The following NIN variants were observed in gnomAD, a reference collection of about 807,000 sequenced individuals.
NIN encodes glycogen synthase kinase 3 beta-interacting protein.
Under a neutral mutation model 257.6 loss-of-function variants are expected in NIN, and 137 were observed. The ratio of observed to expected loss-of-function variants is 0.53; its 90% CI spans 0.46 to 0.61. The LOEUF is 0.61. NIN is among the 20% of genes least tolerant of loss of function. The probability of loss-of-function intolerance (pLI) is 0.00; values close to 1 mark genes in which losing one functional copy is unlikely to be tolerated. For synonymous variants in NIN, 918 were observed against 919.8 expected (o/e 1.00, Z 0.04); for missense variants, 2,439 against 2,501.2 (o/e 0.98, Z 0.53).
chr14:50,775,807 C>A (rs113531154), intron 7 of NIN, among the ~76,000 whole-genome samples: 10 of 152,030 alleles, frequency 6.6e-5, no homozygotes, highest in African/African-American at 2.4e-4. Context: ...ACATATTGCA[C>A]TGATTTACAA....
At chr14:50,787,126 C>A (rs2043379946) in intron 5 of NIN, among the ~76,000 whole-genome samples, 1 of 152,196 alleles carries the variant, frequency 6.6e-6, no homozygotes. Context: ...TTGGCTTACA[C>A]TACTATTGTC....
chr14:50,744,611 T>A (rs892953019), intron 22 of NIN, among the ~76,000 whole-genome samples: 1 of 152,200 alleles, frequency 6.6e-6, no homozygotes, highest in Non-Finnish European at 1.5e-5. Flanking sequence ...TGTTAAATAA[T>A]GATCCTAGCT....
chr14:50,723,036 T>C lies in NIN; in HGVS notation c.*427A>G, dbSNP rs1360601508. 1 of 213,066 alleles carries C rather than the reference T, an allele frequency of 4.7e-6. No homozygotes were observed. The highest frequency in any genetic ancestry group is 7.3e-5 in the East Asian group (1 of 13,626). 13.2% of individuals were successfully genotyped at this position (213,066 alleles called of 1,614,324 possible). A position where few individuals can be genotyped will look rare whatever the true frequency, so the allele number is the denominator to read the frequency against. The stretch of plus-strand genomic sequence containing the variant: ...TTATAATGACTTTCCAGTATTTAAA[T>C]ATGTAAGAACACCTAAATTTGGTTT... On this transcript the variant is annotated 3_prime_UTR_variant, in exon 31 of 31. Coordinates refer to ENST00000530997, the MANE Select transcript of NIN (RefSeq NM_020921.4).
intron 3 of NIN, among the ~76,000 whole-genome samples, chr14:50,816,515 T>C (rs528683932): frequency 6.6e-6 from 1 of 152,248 alleles, no homozygotes; most frequent in East Asian, 1.9e-4. Flanking sequence ...TTTTGCATAT[T>C]TGGAGTTTGA....
In NIN at chr14:50,781,275, C is replaced by T. The variant is rs529358073; in HGVS notation, c.436-2471G>A. On this transcript the variant is annotated intron_variant, in intron 5 of 30. Coordinates refer to ENST00000530997, the MANE Select transcript of NIN (RefSeq NM_020921.4). Reference sequence around the variant, plus strand: ...ATCTCAAGCAGGGGATGATTTCTAACAGCAGAAATGAATGGGAGAAATGGC... The same window carrying T: ...ATCTCAAGCAGGGGATGATTTCTAATAGCAGAAATGAATGGGAGAAATGGC... Among the ~76,000 whole-genome samples the T allele has an allele frequency of 5.3e-4, 80 of 152,156 alleles. No homozygotes were observed. The South Asian group carries it at 0.017, about 32-fold the overall frequency.
rs1257255249 is a variant in NIN, at chr14:50,760,078, C to T, written c.2178G>A (p.Glu726=). Residue 726 remains glutamate, a synonymous_variant, in exon 17 of 31, where the codon GAG becomes GAA. Coordinates refer to ENST00000530997, the MANE Select transcript of NIN (RefSeq NM_020921.4). The part of the protein sequence containing the change: ...QEKLRLQHEM[E]LKARLTQAQA... Reference sequence around the variant, plus strand: ...GAGCCTGTGTCAGTCTAGCCTTGAGCTCCATCTCATGTTGCAGCCTCAGCT... The same window carrying T: ...GAGCCTGTGTCAGTCTAGCCTTGAGTTCCATCTCATGTTGCAGCCTCAGCT... 2.5e-6 allele frequency: 4 copies of T among 1,614,176 alleles called. No individual in the cohort carries two copies. The highest frequency in any genetic ancestry group is 3.3e-5 in the Admixed American group (2 of 60,026).
Position 50,723,550 on chromosome 14 carries a change from G to A in NIN, c.6315C>T (p.Leu2105=), listed in dbSNP as rs1315946449. The change falls in exon 31 of 31, where the codon CTC becomes CTT. Residue 2105 remains leucine, a synonymous_variant. Coordinates refer to ENST00000530997, the MANE Select transcript of NIN (RefSeq NM_020921.4). ...RQKTAEKKNY[L]LEEKIASLSN... ...TGAGGCTGGCAATCTTCTCCTCCAG[G>A]AGGTAATTTTTCTTCTCTGCTGTTT... is the stretch of plus-strand genomic sequence containing the variant. 6.2e-7 allele frequency: 1 copy of A among 1,613,872 alleles called. No individual in the cohort carries two copies. The highest frequency in any genetic ancestry group is 8.5e-7 in the Non-Finnish European group (1 of 1,179,840).
chr14:50,800,740 A>G (rs1038746881), intron 4 of NIN, among the ~76,000 whole-genome samples: 5 of 151,464 alleles, frequency 3.3e-5, no homozygotes, highest in African/African-American at 1.2e-4. Context: ...TTGTTGTTGT[A>G]GTTGGCACTG....
At position 50,760,254 on chromosome 14, in the gene NIN, G is replaced by C. The variant is rs779085036; in HGVS notation, c.2002C>G (p.Gln668Glu). The C allele has an allele frequency of 6.2e-7, 1 of 1,612,048 alleles. No homozygotes were observed. Among genetic ancestry groups the C allele is most frequent in the Non-Finnish European group, 8.5e-7 (1 of 1,179,932 alleles). Residue 668 changes from glutamine (Q) to glutamate (E), a missense_variant, in exon 17 of 31, where the codon CAA becomes GAA. Around this residue, in one of 3 missense-constraint regions of NIN, gnomAD observed 2,043 missense variants for 2,050.2 expected, o/e 1.00. Coordinates refer to ENST00000530997, the MANE Select transcript of NIN (RefSeq NM_020921.4). The part of the protein sequence containing the change: ...HENETHTLEK[Q>E]ISDLKNEIAE... ...ATTTCATTTTTAAGGTCACTTATTT[G>C]TTTTTCTAAGGTGTGCGTTTCGTTC...
At chr14:50,759,434 G>C (rs748569330) in intron 17 of NIN, among the ~76,000 whole-genome samples, 2 of 151,548 alleles carry the variant, frequency 1.3e-5, no homozygotes, top group Non-Finnish European at 2.9e-5. Flanking sequence ...ATTTAAAAGA[G>C]TCTACTCAAT....
In NIN at chr14:50,740,209, CAG is replaced by C. The variant is rs529179950; in HGVS notation, c.5449-724_5449-723del. 3.4e-3 allele frequency among the ~76,000 whole-genome samples: 510 copies of C among 148,598 alleles called. 2 individuals carry two copies. Among genetic ancestry groups the C allele is most frequent in the African/African-American group, 0.011 (460 of 40,656 alleles). On this transcript the variant is annotated intron_variant, in intron 25 of 30. Transcript: ENST00000530997. ...AATGGAAACTTTTTTTTTTTTGAGACAGACTCTCACTCTGTCACCCAGGCTGA... is the reference window on the plus strand; with the variant it reads ...AATGGAAACTTTTTTTTTTTTGAGACACTCTCACTCTGTCACCCAGGCTGA...
chr14:50,796,752 G>C (rs984421254), intron 4 of NIN, among the ~76,000 whole-genome samples: 3 of 152,176 alleles, frequency 2.0e-5, no homozygotes, highest in Non-Finnish European at 2.9e-5. Flanking sequence ...TCCTCTCCCA[G>C]TTCCTTTCCC....
chr14:50,749,469 T>C (rs2041694551), intron 21 of NIN, among the ~76,000 whole-genome samples: 1 of 152,230 alleles, frequency 6.6e-6, no homozygotes, highest in African/African-American at 2.4e-5. Context: ...GTCTTTTTCT[T>C]GGAGGAGATA....
Position 50,729,707 on chromosome 14 carries a change from G to C in NIN, c.5894C>G (p.Ser1965Cys), listed in dbSNP as rs147863467. The stretch of plus-strand genomic sequence containing the variant: ...AGGGGACGGGCTAGGCGTCGCAGTG[G>C]ACCTCAGGTGCTGCATCTGAAGGAC... ...EQLMEMQHLR[S>C]TATPSPSPHA... Residue 1965 changes from serine to cysteine, a missense_variant, in exon 29 of 31, where the codon TCC becomes TGC. This residue lies in a region of NIN where 2,043 missense variants were observed against 2,050.2 expected (regional missense o/e 1.00). Coordinates refer to ENST00000530997, the MANE Select transcript of NIN (RefSeq NM_020921.4). The C allele has an allele frequency of 7.2e-5, 115 of 1,605,436 alleles. 1 individual carries two copies. In the East Asian group the frequency reaches 2.5e-3, roughly 36 times the overall value.
intron 18 of NIN, among the ~76,000 whole-genome samples, chr14:50,755,238 A>G (rs571800253): frequency 3.3e-4 from 51 of 152,350 alleles, no homozygotes; most frequent in Non-Finnish European, 5.4e-4. Context: ...AAGCCATGTT[A>G]CAAAGCTATA....
rs2042020230 is a variant in NIN at position 50,756,221 on chromosome 14, A to T, written c.4538+271T>A. ...TGCTAGAAAAAAGTTAAAGAGGTAC[A>T]TTGAGGATGCACATGGTTAAACAGC... On this transcript the variant is annotated intron_variant, in intron 18 of 30. Transcript: ENST00000530997. Among the ~76,000 whole-genome samples, 3 of 152,272 alleles carry T rather than the reference A, an allele frequency of 2.0e-5. No individual in the cohort carries two copies. In the South Asian group the frequency reaches 6.2e-4, roughly 32 times the overall value.
At chr14:50,782,355 CAAGA>C (rs1326842219) in intron 5 of NIN, among the ~76,000 whole-genome samples, 1 of 151,826 alleles carries the variant, frequency 6.6e-6, no homozygotes, top group Non-Finnish European at 1.5e-5. Context: ...CTTTTTGCAA[CAAGA>C]AAGTATTGAA....
chr14:50,719,946 T>G lies in NIN; in HGVS notation c.*3517A>C, dbSNP rs1312794111. ...ATTAATCTTTATCTGAACAGAAACA[T>G]AGAGATGGCTTTAGATAATCTGTTT... On this transcript the variant is annotated 3_prime_UTR_variant, in exon 31 of 31. Transcript: ENST00000530997. 4.7e-6 allele frequency: 1 copy of G among 213,766 alleles called. No homozygotes were observed. The highest frequency in any genetic ancestry group is 9.5e-6 in the Non-Finnish European group (1 of 105,612). 13.2% of individuals were successfully genotyped at this position (213,766 alleles called of 1,614,324 possible).
At chr14:50,770,269 G>T in intron 12 of NIN, 119 bp downstream of exon 12, 1 of 1,022,846 alleles carries the variant, frequency 9.8e-7, no homozygotes, top group Non-Finnish European at 1.4e-6. Flanking sequence ...GACCCAGCTG[G>T]GCAAACTTGG....
Sources: allele counts gnomAD v4.1 joint callset (sites outside exome capture counted in the v4.1 genomes callset), GRCh38; gene constraint gnomAD v4.1.1; regional missense constraint gnomAD v4.1.1; transcripts MANE v1.5; gene names NCBI Gene and HGNC (gene_info 2026-07-23, HGNC 2026-07-21).